The following CNTN3 variants were observed in gnomAD, a reference collection of about 807,000 sequenced individuals.
CNTN3 encodes contactin 3, also known as contactin-3.
Under a neutral mutation model 119.1 loss-of-function variants are expected in CNTN3, and 60 were observed. That is an observed-to-expected ratio of 0.50 (90% confidence interval 0.41 to 0.62). The LOEUF (loss-of-function observed/expected upper bound fraction) is 0.62. CNTN3 is among the 20% of genes least tolerant of loss of function. CNTN3 has a pLI of 0.00. For missense variants in CNTN3, 1,101 were observed against 1,242.4 expected (o/e 0.89, Z 1.71); for synonymous variants, 450 against 438.7 (o/e 1.03, Z -0.32).
intron 4 of CNTN3, among the ~76,000 whole-genome samples, chr3:74,483,033 A>G (rs1455809914): frequency 2.0e-5 from 3 of 152,234 alleles, no homozygotes; most frequent in African/African-American, 7.2e-5. Flanking sequence ...TTCCAGTCCA[A>G]TGTGGTGTCA....
At chr3:74,325,617 T>G (rs1703109279) in intron 13 of CNTN3, among the ~76,000 whole-genome samples, 1 of 152,082 alleles carries the variant, frequency 6.6e-6, no homozygotes, top group Admixed American at 6.5e-5. Flanking sequence ...TGGGGAACAA[T>G]TTAGAAATAA....
At chr3:74,577,428 G>T (rs999138005) in intron 1 of CNTN3, among the ~76,000 whole-genome samples, 3 of 152,012 alleles carry the variant, frequency 2.0e-5, no homozygotes, top group Non-Finnish European at 2.9e-5. Context: ...TCTCAAGAGT[G>T]GGGGGGAAAA....
In CNTN3 at chr3:74,504,833, A is replaced by T. The variant is rs114948767; in HGVS notation, c.56-5048T>A. On this transcript the variant is annotated intron_variant, in intron 2 of 22. Transcript: ENST00000263665. ...CCAGGGGAGATTGGCTTATGAGACC[A>T]CTAAAAGCCCAAGAGGGTGTATTCA... is the stretch of plus-strand genomic sequence containing the variant. Among the ~76,000 whole-genome samples the T allele has an allele frequency of 6.7e-3, 1,013 of 152,216 alleles. 18 individuals are homozygous for T. The highest frequency in any genetic ancestry group is 0.023 in the African/African-American group (955 of 41,534).
At chr3:74,439,542 C>A (rs79747692) in intron 4 of CNTN3, among the ~76,000 whole-genome samples, 1,547 of 152,222 alleles carry the variant, frequency 0.01, 25 homozygotes, top group African/African-American at 0.035. Flanking sequence ...CTAAAAAAAT[C>A]TGTGAAATGG....
chr3:74,274,201 A>G (rs1701836392), intron 20 of CNTN3, among the ~76,000 whole-genome samples: 1 of 152,006 alleles, frequency 6.6e-6, no homozygotes, highest in South Asian at 2.1e-4. Context: ...CCCCCACCTC[A>G]TGGTCCTTCC....
intron 1 of CNTN3, among the ~76,000 whole-genome samples, chr3:74,584,912 A>G (rs1704569911): frequency 6.6e-6 from 1 of 152,296 alleles, no homozygotes; most frequent in East Asian, 1.9e-4. Context: ...ATCTTCCATC[A>G]TAATATCCTC....
intron 1 of CNTN3, among the ~76,000 whole-genome samples, chr3:74,600,746 T>C (rs1466363620): frequency 3.3e-5 from 5 of 152,050 alleles, no homozygotes; most frequent in African/African-American, 7.2e-5. Flanking sequence ...ATTCACCAAG[T>C]AGCCGCTAAA....
At chr3:74,388,482 A>C (rs1464346346) in intron 5 of CNTN3, among the ~76,000 whole-genome samples, 1 of 152,198 alleles carries the variant, frequency 6.6e-6, no homozygotes, top group East Asian at 1.9e-4. Context: ...AGCTGTTAAA[A>C]AAAGGAAAAA....
chr3:74,601,525 A>G (rs1291252143), intron 1 of CNTN3, among the ~76,000 whole-genome samples: 3 of 152,168 alleles, frequency 2.0e-5, no homozygotes, highest in Admixed American at 6.5e-5. Context: ...TTCATAAGCA[A>G]TAAAGTGACA....
intron 11 of CNTN3, among the ~76,000 whole-genome samples, chr3:74,345,842 G>A (rs994784605): frequency 9.9e-5 from 15 of 151,968 alleles, no homozygotes; most frequent in Admixed American, 9.2e-4. Flanking sequence ...CCAAAATTGT[G>A]GATCTCAACT....
intron 1 of CNTN3, among the ~76,000 whole-genome samples, chr3:74,595,716 A>T (rs1003445838): frequency 5.9e-5 from 9 of 152,154 alleles, no homozygotes; most frequent in African/African-American, 1.9e-4. Flanking sequence ...ATCTATGACA[A>T]ACCCACAGCC....
chr3:74,539,393 G>A (rs996947428), intron 1 of CNTN3, among the ~76,000 whole-genome samples: 4 of 151,992 alleles, frequency 2.6e-5, no homozygotes, highest in South Asian at 2.1e-4. Context: ...CCAGCCATAT[G>A]AGGGAAGTAC....
At chr3:74,607,601 C>A (rs975043599) in intron 1 of CNTN3, among the ~76,000 whole-genome samples, 1 of 152,080 alleles carries the variant, frequency 6.6e-6, no homozygotes, top group African/African-American at 2.4e-5. Flanking sequence ...GATTCCCAAA[C>A]CAAAGACACA....
At chr3:74,483,386 T>C (rs1453944187) in intron 4 of CNTN3, among the ~76,000 whole-genome samples, 1 of 152,074 alleles carries the variant, frequency 6.6e-6, no homozygotes, top group African/African-American at 2.4e-5. Flanking sequence ...AAATGAATAA[T>C]TTCTATTGGG....
intron 11 of CNTN3, among the ~76,000 whole-genome samples, chr3:74,346,560 G>T (rs80279915): frequency 2.6e-5 from 4 of 152,114 alleles, no homozygotes; most frequent in African/African-American, 9.7e-5. Flanking sequence ...TTGGAGTGAG[G>T]CAGTGAGAAA....
At chr3:74,593,015 T>A (rs996596219) in intron 1 of CNTN3, among the ~76,000 whole-genome samples, 2 of 151,998 alleles carry the variant, frequency 1.3e-5, no homozygotes, top group Non-Finnish European at 2.9e-5. Context: ...TAAACGAATA[T>A]GCAAATTGAC....
intron 1 of CNTN3, among the ~76,000 whole-genome samples, chr3:74,596,751 C>T (rs1704818513): frequency 6.6e-6 from 1 of 151,980 alleles, no homozygotes; most frequent in African/African-American, 2.4e-5. Flanking sequence ...AATCAGTGGG[C>T]CTCTCCCCTA....
intron 1 of CNTN3, among the ~76,000 whole-genome samples, chr3:74,575,450 C>T (rs886841776): frequency 1.4e-4 from 22 of 152,056 alleles, no homozygotes; most frequent in African/African-American, 5.1e-4. Flanking sequence ...CAGGGTTTCA[C>T]CATGTTGGCC....
At chr3:74,368,307 T>A (rs1704247257) in intron 8 of CNTN3, among the ~76,000 whole-genome samples, 1 of 152,110 alleles carries the variant, frequency 6.6e-6, no homozygotes, top group Admixed American at 6.6e-5. Context: ...ACATATGCTA[T>A]CCAAGGACGT....
Sources: gnomAD v4.1 joint callset for allele counts (sites outside exome capture counted in the v4.1 genomes callset) on GRCh38, gnomAD v4.1.1 for gene constraint, MANE v1.5 for transcripts, NCBI Gene and HGNC (gene_info 2026-07-23, HGNC 2026-07-21) for gene names.